Variants in MARK3 observed in about 807,000 individuals in gnomAD.
MARK3 encodes microtubule affinity regulating kinase 3, also known as MAP/microtubule affinity-regulating kinase 3.
Under a neutral mutation model 90.1 loss-of-function variants are expected in MARK3, and 46 were observed. The observed-to-expected ratio is 0.51, with a 90% CI of 0.40 to 0.65. The LOEUF (loss-of-function observed/expected upper bound fraction) is 0.65. MARK3 is among the 30% of genes least tolerant of loss of function. MARK3 has a pLI of 0.00. For synonymous variants in MARK3, 321 were observed against 332.6 expected, an observed-to-expected ratio of 0.97 and a Z score of 0.38; for missense variants, 818 against 947.2, an observed-to-expected ratio of 0.86 and a Z score of 1.79.
At chr14:103,479,945 A>G (rs992818474) in intron 13 of MARK3, among the ~76,000 whole-genome samples, 1 of 152,048 alleles carries the variant, frequency 6.6e-6, no homozygotes, top group Non-Finnish European at 1.5e-5. Flanking sequence ...CAGCCGTTGT[A>G]TAGCTTTTTT....
chr14:103,441,802 AACAC>A (rs2092863485), intron 3 of MARK3, among the ~76,000 whole-genome samples: 1 of 152,114 alleles, frequency 6.6e-6, no homozygotes, highest in African/African-American at 2.4e-5. Context: ...TCCGTGTCTA[AACAC>A]ACACTTTGTT....
chr14:103,428,191 G>A (rs1411368736), intron 2 of MARK3, among the ~76,000 whole-genome samples, 196 bp from the exon 3 acceptor site: 1 of 152,180 alleles, frequency 6.6e-6, no homozygotes, highest in Non-Finnish European at 1.5e-5. Flanking sequence ...TAGTTAGAAA[G>A]CATTGTTATA....
chr14:103,500,345 C>A, intron 17 of MARK3, 145 bp downstream of exon 17: 1 of 617,372 alleles, frequency 1.6e-6, no homozygotes, highest in East Asian at 2.9e-5. Context: ...AAGGGGGCGC[C>A]AGCCTGCCAT....
chr14:103,473,365 G>A (rs1000658704), intron 12 of MARK3, among the ~76,000 whole-genome samples: 3 of 152,164 alleles, frequency 2.0e-5, no homozygotes, highest in Non-Finnish European at 4.4e-5. Flanking sequence ...AAATCTGAAC[G>A]AGGTCAGTGG....
At chr14:103,485,997 G>A (rs1266488461) in intron 14 of MARK3, among the ~76,000 whole-genome samples, 1 of 152,018 alleles carries the variant, frequency 6.6e-6, no homozygotes, top group Non-Finnish European at 1.5e-5. Context: ...TATCAATTAA[G>A]GTTTAAATGT....
At chr14:103,397,221 G>A (rs2090634076) in intron 1 of MARK3, among the ~76,000 whole-genome samples, 1 of 151,778 alleles carries the variant, frequency 6.6e-6, no homozygotes, top group South Asian at 2.1e-4. Context: ...AGCACCCCGT[G>A]TATATCATGA....
chr14:103,471,570 C>CT (rs2093625583), intron 12 of MARK3, among the ~76,000 whole-genome samples: 1 of 152,186 alleles, frequency 6.6e-6, no homozygotes, highest in Non-Finnish European at 1.5e-5. Flanking sequence ...GCCGGGCTAA[C>CT]TTTCACCTCA....
chr14:103,448,615 C>T (rs556567858), intron 3 of MARK3, among the ~76,000 whole-genome samples: 15 of 152,270 alleles, frequency 9.9e-5, no homozygotes, highest in East Asian at 1.9e-4. Flanking sequence ...ATTATTCCTG[C>T]GTAAGTCTGA....
chr14:103,399,339 G>C (rs1033880514), intron 1 of MARK3, among the ~76,000 whole-genome samples: 4 of 152,108 alleles, frequency 2.6e-5, no homozygotes, highest in African/African-American at 9.7e-5. Context: ...TGGCCCCTAT[G>C]TCAGTAGTGC....
At chr14:103,410,958 A>G (rs2091593334) in intron 2 of MARK3, among the ~76,000 whole-genome samples, 1 of 152,034 alleles carries the variant, frequency 6.6e-6, no homozygotes, top group Non-Finnish European at 1.5e-5. Flanking sequence ...TGTCTTCTTG[A>G]AGATTTGTCC....
chr14:103,467,873 C>T (rs545916277), intron 11 of MARK3, 160 bp from the exon 12 acceptor site: 14 of 586,472 alleles, frequency 2.4e-5, no homozygotes, highest in African/African-American at 2.3e-4. Context: ...CAGAAAACTA[C>T]TTTTGCTTGA....
intron 12 of MARK3, among the ~76,000 whole-genome samples, chr14:103,470,363 TA>T (rs1241254801): frequency 6.6e-6 from 1 of 152,044 alleles, no homozygotes; most frequent in East Asian, 1.9e-4. Flanking sequence ...GTCCTGAGGC[TA>T]GCGTGTGTGT....
chr14:103,445,617 G>A (rs779260426), intron 3 of MARK3, among the ~76,000 whole-genome samples: 2 of 152,110 alleles, frequency 1.3e-5, no homozygotes, highest in Admixed American at 6.5e-5. Flanking sequence ...GACCTCTGCT[G>A]TAACTCAGGA....
Position 103,398,336 on chromosome 14 carries a change from T to A in MARK3, c.52-6740T>A, listed in dbSNP as rs2090720531. On this transcript the variant is annotated intron_variant, in intron 1 of 17. Coordinates refer to ENST00000429436, the MANE Select transcript of MARK3 (RefSeq NM_001128918.3). ...GTATTCCCGTTTCTCTGCCAACATTTCAGAGCTTTCTGCCTTTTCCCTATC... is the reference window on the plus strand; with the variant it reads ...GTATTCCCGTTTCTCTGCCAACATTACAGAGCTTTCTGCCTTTTCCCTATC... Among the ~76,000 whole-genome samples the A allele has an allele frequency of 2.0e-5, 3 of 152,222 alleles. No homozygotes were observed. The South Asian group carries it at 6.2e-4, about 31-fold the overall frequency.
At chr14:103,412,740 C>A in intron 2 of MARK3, 1 of 549,356 alleles carries the variant, frequency 1.8e-6, no homozygotes, top group South Asian at 1.5e-5. Flanking sequence ...TCCAGGGTGT[C>A]GTGAGAGACT....
chr14:103,468,258 C>A, intron 12 of MARK3, 72 bp downstream of exon 12: 1 of 1,235,140 alleles, frequency 8.1e-7, no homozygotes, highest in South Asian at 1.7e-5. Context: ...GGGAAGCATT[C>A]TCTTGCTCAG....
At chr14:103,428,470 TA>T in intron 3 of MARK3, 30 bp downstream of exon 3, 2 of 1,338,582 alleles carry the variant, frequency 1.5e-6, no homozygotes, top group Non-Finnish European at 2.1e-6. Context: ...TAGTACTTTT[TA>T]AAAAATTATC....
chr14:103,480,960 A>G (rs2093808230), intron 14 of MARK3, among the ~76,000 whole-genome samples: 1 of 152,238 alleles, frequency 6.6e-6, no homozygotes, highest in Admixed American at 6.5e-5. Flanking sequence ...AAATAGAAAC[A>G]CTGGAGAAGC....
intron 14 of MARK3, among the ~76,000 whole-genome samples, chr14:103,487,158 C>T (rs75864826): frequency 6.7e-6 from 1 of 150,084 alleles, no homozygotes; most frequent in Admixed American, 6.6e-5. Flanking sequence ...CTCAAGCAAT[C>T]CACCCGCCTC....
Sources: gnomAD v4.1 joint callset for allele counts (sites outside exome capture counted in the v4.1 genomes callset) on GRCh38, gnomAD v4.1.1 for gene constraint, MANE v1.5 for transcripts, NCBI Gene and HGNC (gene_info 2026-07-23, HGNC 2026-07-21) for gene names.